The following DPP10 variants were observed in gnomAD, a reference collection of about 807,000 sequenced individuals.
The protein encoded by DPP10 is inactive dipeptidyl peptidase 10.
A neutral mutation model predicts 120.9 loss-of-function variants in DPP10; 33 were observed. That is an observed-to-expected ratio of 0.27 (90% CI 0.21 to 0.37). DPP10 has a LOEUF of 0.37. Among genes scored for constraint, DPP10 ranks in the 10% least tolerant of loss-of-function variants. The pLI, the probability that DPP10 is intolerant of heterozygous loss-of-function variation, is 1.00. For synonymous variants in DPP10, 337 were observed against 326.1 expected (o/e 1.03, Z -0.36); for missense variants, 816 against 942.8 (o/e 0.87, Z 1.76).
chr2:115,257,344 G>T (rs971323656), intron 1 of DPP10, among the ~76,000 whole-genome samples: 1 of 140,604 alleles, frequency 7.1e-6, no homozygotes. Flanking sequence ...AAGAAGAGAG[G>T]TGTAATTGAC....
intron 1 of DPP10, among the ~76,000 whole-genome samples, chr2:115,095,575 T>A (rs922273978): frequency 1.0e-5 from 1 of 97,584 alleles, no homozygotes; most frequent in Non-Finnish European, 2.1e-5. Flanking sequence ...TTCTGTTTGG[T>A]TTTTTTTTTG....
rs564132022 is a variant in DPP10, at chr2:115,461,825, G to A, written c.272-37685G>A. ...TTACAGATTATTTTCCCTTTGTTCC[G>A]ATGTTCTGATTGTGGAATAATTACT... On this transcript the variant is annotated intron_variant, in intron 3 of 25. Coordinates refer to ENST00000410059, the MANE Select transcript of DPP10 (RefSeq NM_020868.6). 3.9e-5 allele frequency among the ~76,000 whole-genome samples: 6 copies of A among 151,942 alleles called. No homozygotes were observed. In the South Asian group the frequency reaches 6.2e-4, roughly 16 times the overall value.
chr2:114,513,365 A>G (rs955949206), intron 1 of DPP10, among the ~76,000 whole-genome samples: 1 of 151,992 alleles, frequency 6.6e-6, no homozygotes, highest in South Asian at 2.1e-4. Context: ...TACTAAAAAT[A>G]CAAAAATTAG....
intron 1 of DPP10, among the ~76,000 whole-genome samples, chr2:114,887,865 C>T (rs1229663251): frequency 6.6e-6 from 1 of 152,064 alleles, no homozygotes; most frequent in African/African-American, 2.4e-5. Flanking sequence ...ATGGGTTAGG[C>T]GAGGTGGCTC....
At position 115,410,520 on chromosome 2, in the gene DPP10, T is replaced by C. The variant is rs564825243; in HGVS notation, c.271+66608T>C. ...CATGAGGAAGAACACCTAATGGATGTTGGGCTGAATACCTAGATGATGAGT... is the reference window on the plus strand; with the variant it reads ...CATGAGGAAGAACACCTAATGGATGCTGGGCTGAATACCTAGATGATGAGT... On this transcript the variant is annotated intron_variant, in intron 3 of 25. Transcript: ENST00000410059. Among the ~76,000 whole-genome samples the C allele has an allele frequency of 2.6e-5, 4 of 152,314 alleles. No homozygotes were observed. The East Asian group carries it at 7.7e-4, about 29-fold the overall frequency.
At chr2:114,539,101 G>A (rs757861219) in intron 1 of DPP10, among the ~76,000 whole-genome samples, 14 of 150,728 alleles carry the variant, frequency 9.3e-5, no homozygotes, top group Non-Finnish European at 1.6e-4. Context: ...ACAAAGTGAT[G>A]TTTTTAAAAT....
At chr2:115,374,311 C>T (rs1382990236) in intron 3 of DPP10, among the ~76,000 whole-genome samples, 1 of 152,150 alleles carries the variant, frequency 6.6e-6, no homozygotes, top group Non-Finnish European at 1.5e-5. Context: ...ACATGGATCT[C>T]CTTTGATTCC....
intron 1 of DPP10, among the ~76,000 whole-genome samples, chr2:114,852,017 G>C (rs1000405046): frequency 6.6e-6 from 1 of 151,648 alleles, no homozygotes; most frequent in Non-Finnish European, 1.5e-5. Flanking sequence ...TCATAACCAT[G>C]GTGTATAGAG....
rs188255257 is a variant in DPP10 at position 115,178,909 on chromosome 2, T to C, written c.61-130330T>C. On this transcript the variant is annotated intron_variant, in intron 1 of 25. Transcript: ENST00000410059. ...ATAAGTTCCTCTACCTATTATGGGA[T>C]TGTGGTTTCTACTGGATGTGTATGG... Among the ~76,000 whole-genome samples the C allele has an allele frequency of 5.1e-4, 77 of 152,330 alleles. 1 individual carries two copies. Among genetic ancestry groups the C allele is most frequent in the African/African-American group, 1.8e-3 (76 of 41,576 alleles).
rs908631219 is a variant in DPP10, at chr2:115,844,845, G to A, written c.*2500G>A. ...ACAATCTCTTGAAACTCTTTTGAAA[G>A]AGAAAAGTGTTTGTTCACTTTCATT... On this transcript the variant is annotated 3_prime_UTR_variant, in exon 26 of 26. Coordinates refer to ENST00000410059, the MANE Select transcript of DPP10 (RefSeq NM_020868.6). The A allele has an allele frequency of 1.3e-5, 2 of 152,064 alleles. No homozygotes were observed. Among genetic ancestry groups the A allele is most frequent in the Non-Finnish European group, 2.9e-5 (2 of 67,988 alleles). The allele number at this position is 152,064 out of a possible 1,614,324, so 9.4% of individuals were successfully genotyped here.
intron 5 of DPP10, among the ~76,000 whole-genome samples, chr2:115,602,193 C>T (rs2083369792): frequency 6.6e-6 from 1 of 152,176 alleles, no homozygotes; most frequent in African/African-American, 2.4e-5. Flanking sequence ...GCAATGATGA[C>T]TCTCATGATC....
intron 1 of DPP10, among the ~76,000 whole-genome samples, chr2:115,192,495 T>C (rs1326322295): frequency 6.6e-6 from 1 of 152,240 alleles, no homozygotes; most frequent in African/African-American, 2.4e-5. Context: ...CTTGATGCAG[T>C]TGGAACAAGA....
intron 1 of DPP10, among the ~76,000 whole-genome samples, chr2:114,922,782 T>A (rs1437768745): frequency 6.6e-6 from 1 of 152,238 alleles, no homozygotes; most frequent in African/African-American, 2.4e-5. Flanking sequence ...GTTTTGTTGA[T>A]CCATTAATCA....
At chr2:115,082,931 T>C (rs917065985) in intron 1 of DPP10, among the ~76,000 whole-genome samples, 3 of 152,244 alleles carry the variant, frequency 2.0e-5, no homozygotes, top group Admixed American at 6.5e-5. Flanking sequence ...TATTACTTTA[T>C]TTAAATTGTT....
At chr2:115,773,501 TA>T (rs1268169285) in intron 13 of DPP10, among the ~76,000 whole-genome samples, 1 of 152,154 alleles carries the variant, frequency 6.6e-6, no homozygotes, top group African/African-American at 2.4e-5. Flanking sequence ...AGTCTGAAAT[TA>T]AAGTTGAAAT....
At chr2:114,462,100 A>G in intron 1 of DPP10, 1 of 985,420 alleles carries the variant, frequency 1.0e-6, no homozygotes, top group South Asian at 4.7e-5. Flanking sequence ...GCAAATGGAT[A>G]TGGAGCTTTC....
chr2:115,332,078 A>C (rs1202309121), intron 2 of DPP10, among the ~76,000 whole-genome samples: 1 of 152,110 alleles, frequency 6.6e-6, no homozygotes, highest in East Asian at 1.9e-4. Context: ...TTGGTAAGCT[A>C]TTGATTATTG....
chr2:115,616,867 T>G (rs1029995974), intron 5 of DPP10, among the ~76,000 whole-genome samples: 3 of 152,102 alleles, frequency 2.0e-5, no homozygotes, highest in African/African-American at 7.2e-5. Context: ...CTCATGCTAC[T>G]GACTGCAGTG....
chr2:115,840,951 G>GT, intron 25 of DPP10, 128 bp downstream of exon 25: 4 of 711,522 alleles, frequency 5.6e-6, no homozygotes, highest in Non-Finnish European at 8.7e-6. Flanking sequence ...AGTTACCAAA[G>GT]ATTGTGTTCT....
Sources: gnomAD v4.1 joint callset for allele counts (sites outside exome capture counted in the v4.1 genomes callset) on GRCh38, gnomAD v4.1.1 for gene constraint, MANE v1.5 for transcripts, NCBI Gene and HGNC (gene_info 2026-07-23, HGNC 2026-07-21) for gene names.